The following FAM135B variants were observed in gnomAD, a reference collection of about 807,000 sequenced individuals.
The protein encoded by FAM135B is family with sequence similarity 135 member B, also known as protein FAM135B.
In FAM135B, 43 loss-of-function variants were observed where a neutral mutation model predicts 127.7. That is an observed-to-expected ratio of 0.34 (90% CI 0.26 to 0.43). FAM135B has a LOEUF of 0.43. FAM135B is among the 20% of genes least tolerant of loss of function. The probability of loss-of-function intolerance (pLI) is 1.00; values close to 1 mark genes in which losing one functional copy is unlikely to be tolerated. For synonymous variants in FAM135B, 670 were observed against 665.1 expected (o/e 1.01, Z -0.11); for missense variants, 1,558 against 1,725.6 (o/e 0.90, Z 1.72).
intron 1 of FAM135B, among the ~76,000 whole-genome samples, chr8:138,368,889 T>C (rs542167945): frequency 1.3e-5 from 2 of 152,210 alleles, no homozygotes; most frequent in Non-Finnish European, 2.9e-5. Flanking sequence ...CTTAGTTGTA[T>C]TGGGCACCTA....
chr8:138,461,356 G>C (rs911631596), intron 1 of FAM135B, among the ~76,000 whole-genome samples: 5 of 152,130 alleles, frequency 3.3e-5, no homozygotes, highest in Admixed American at 2.6e-4. Flanking sequence ...TGTCAGCAAA[G>C]GTCTGTTTCA....
chr8:138,138,953 C>G (rs759732424), intron 18 of FAM135B, 33 bp downstream of exon 18: 5 of 1,337,504 alleles, frequency 3.7e-6, no homozygotes, highest in Non-Finnish European at 5.4e-6. Flanking sequence ...CAAGCTCAAA[C>G]TCATAACTGC....
chr8:138,334,068 A>G (rs778264180), intron 2 of FAM135B, among the ~76,000 whole-genome samples: 1 of 152,138 alleles, frequency 6.6e-6, no homozygotes, highest in Non-Finnish European at 1.5e-5. Context: ...GATTACATGC[A>G]CACAACACTA....
At chr8:138,135,961 C>A (rs528547156) in intron 19 of FAM135B, among the ~76,000 whole-genome samples, 3 of 151,586 alleles carry the variant, frequency 2.0e-5, no homozygotes, top group African/African-American at 7.3e-5. Flanking sequence ...TAGAAGAACA[C>A]GAAAAGTAGG....
intron 12 of FAM135B, among the ~76,000 whole-genome samples, chr8:138,156,320 C>T (rs1818737671): frequency 6.6e-6 from 1 of 152,150 alleles, no homozygotes; most frequent in Non-Finnish European, 1.5e-5. Flanking sequence ...ATTCATAGCA[C>T]TAAATGCCCA....
At chr8:138,266,630 T>C (rs1396768481) in intron 3 of FAM135B, among the ~76,000 whole-genome samples, 43 of 148,430 alleles carry the variant, frequency 2.9e-4, no homozygotes, top group African/African-American at 9.8e-4. Context: ...TATATGTGTA[T>C]ATATATACGT....
intron 1 of FAM135B, among the ~76,000 whole-genome samples, chr8:138,452,874 C>T (rs1836573765): frequency 6.6e-6 from 1 of 152,196 alleles, no homozygotes; most frequent in South Asian, 2.1e-4. Context: ...CACGAGACTC[C>T]CTAGATGTCC....
chr8:138,174,658 A>G (rs56107742), intron 11 of FAM135B, among the ~76,000 whole-genome samples: 9,679 of 152,250 alleles, frequency 0.064, 558 homozygotes, highest in East Asian at 0.17. Flanking sequence ...TGCTTACAAC[A>G]TTCTCTAATC....
chr8:138,162,836 C>T lies in FAM135B; in HGVS notation c.1258+5059G>A, dbSNP rs569437621. Reference sequence around the variant, plus strand: ...TATGACGTCAGACAGAGAGAGAGAACCCACGCCATAGAAAAACTTGAATGC... The same window carrying T: ...TATGACGTCAGACAGAGAGAGAGAATCCACGCCATAGAAAAACTTGAATGC... On this transcript the variant is annotated intron_variant, in intron 12 of 19. Coordinates refer to ENST00000395297, the MANE Select transcript of FAM135B (RefSeq NM_015912.4). Among the ~76,000 whole-genome samples the T allele has an allele frequency of 7.9e-5, 12 of 152,182 alleles. No individual in the cohort carries two copies. The South Asian group carries it at 2.3e-3, about 29-fold the overall frequency.
At chr8:138,291,727 A>G (rs1825124683) in intron 3 of FAM135B, among the ~76,000 whole-genome samples, 1 of 152,224 alleles carries the variant, frequency 6.6e-6, no homozygotes, top group Non-Finnish European at 1.5e-5. Context: ...GCATTTGACA[A>G]AATTCAACAT....
chr8:138,277,122 C>T lies in FAM135B; in HGVS notation c.158-11280G>A, dbSNP rs766643133. Among the ~76,000 whole-genome samples, 234 of 152,292 alleles carry T rather than the reference C, an allele frequency of 1.5e-3. 2 individuals carry two copies. Among genetic ancestry groups the T allele is most frequent in the Non-Finnish European group, 2.6e-3 (178 of 68,028 alleles). On this transcript the variant is annotated intron_variant, in intron 3 of 19. Transcript: ENST00000395297. ...GAGTTTTGTCTTCTTAGCTTCACAG[C>T]TTTTCACCTCATTTATTCTCCTTCT...
intron 3 of FAM135B, among the ~76,000 whole-genome samples, chr8:138,296,351 C>T (rs935851521): frequency 2.6e-5 from 4 of 152,184 alleles, no homozygotes; most frequent in African/African-American, 9.7e-5. Context: ...GAATTAACAT[C>T]AGTTCAGATC....
intron 1 of FAM135B, among the ~76,000 whole-genome samples, chr8:138,416,654 A>G (rs1834173338): frequency 6.6e-6 from 1 of 152,178 alleles, no homozygotes; most frequent in Non-Finnish European, 1.5e-5. Context: ...GAAACCAAAC[A>G]AACATAATTC....
intron 3 of FAM135B, among the ~76,000 whole-genome samples, chr8:138,300,116 A>G (rs1352406582): frequency 6.6e-6 from 1 of 151,846 alleles, no homozygotes; most frequent in East Asian, 1.9e-4. Flanking sequence ...TACAGGCACT[A>G]TTTTTTAAAG....
chr8:138,404,904 G>C (rs762648927), intron 1 of FAM135B, among the ~76,000 whole-genome samples: 1 of 152,196 alleles, frequency 6.6e-6, no homozygotes, highest in Admixed American at 6.5e-5. Flanking sequence ...CCAAAGTTCT[G>C]TTAACGTTGA....
chr8:138,244,207 T>C (rs1353677559), intron 6 of FAM135B, among the ~76,000 whole-genome samples: 1 of 150,938 alleles, frequency 6.6e-6, no homozygotes, highest in African/African-American at 2.4e-5. Context: ...CTTAAAGACA[T>C]TTGTCTAAAG....
rs189896370 is a variant in FAM135B, at chr8:138,475,247, T to G, written c.-20+21424A>C. Among the ~76,000 whole-genome samples the G allele has an allele frequency of 1.0e-3, 156 of 152,236 alleles. 1 individual carries two copies. Among genetic ancestry groups the G allele is most frequent in the Admixed American group, 9.7e-3 (149 of 15,284 alleles). On this transcript the variant is annotated intron_variant, in intron 1 of 19. Coordinates refer to ENST00000395297, the MANE Select transcript of FAM135B (RefSeq NM_015912.4). Reference sequence around the variant, plus strand: ...TTCTTTCTCCCTGACCCCTTGCAAGTTGGTTTTCACACCACCCACAATTCT... The same window carrying G: ...TTCTTTCTCCCTGACCCCTTGCAAGGTGGTTTTCACACCACCCACAATTCT...
chr8:138,422,664 C>A (rs1834581876), intron 1 of FAM135B, among the ~76,000 whole-genome samples: 1 of 152,016 alleles, frequency 6.6e-6, no homozygotes, highest in Admixed American at 6.6e-5. Flanking sequence ...GTTAGTTCAG[C>A]CACTGTAGAA....
At chr8:138,336,484 C>T (rs1375945147) in intron 2 of FAM135B, among the ~76,000 whole-genome samples, 5 of 152,060 alleles carry the variant, frequency 3.3e-5, no homozygotes, top group African/African-American at 7.2e-5. Flanking sequence ...AACACCTCTA[C>T]GCAAATAAAC....
Sources: gnomAD v4.1 joint callset for allele counts (sites outside exome capture counted in the v4.1 genomes callset) on GRCh38, gnomAD v4.1.1 for gene constraint, MANE v1.5 for transcripts, NCBI Gene and HGNC (gene_info 2026-07-23, HGNC 2026-07-21) for gene names.